The following PIP4K2A variants were observed in gnomAD, a reference collection of about 807,000 sequenced individuals.
PIP4K2A encodes phosphatidylinositol-5-phosphate 4-kinase type 2 alpha.
In PIP4K2A, 14 loss-of-function variants were observed where a neutral mutation model predicts 42.9. That is an observed-to-expected ratio of 0.33 (90% CI 0.22 to 0.51). PIP4K2A has a LOEUF of 0.51. Among genes scored for constraint, PIP4K2A ranks in the 20% least tolerant of loss-of-function variants. The pLI, the probability that PIP4K2A is intolerant of heterozygous loss-of-function variation, is 0.97. For synonymous variants in PIP4K2A, 192 were observed against 192.2 expected, an observed-to-expected ratio of 1.00 and a Z score of 0.01; for missense variants, 434 against 519.8, an observed-to-expected ratio of 0.83 and a Z score of 1.61.
At chr10:22,618,850 T>A (rs1838247586) in intron 1 of PIP4K2A, among the ~76,000 whole-genome samples, 1 of 152,214 alleles carries the variant, frequency 6.6e-6, no homozygotes. Flanking sequence ...TGTGTCCAAT[T>A]TGTTTGTAAA....
chr10:22,558,271 C>A (rs899165412), intron 6 of PIP4K2A, among the ~76,000 whole-genome samples: 1 of 152,160 alleles, frequency 6.6e-6, no homozygotes, highest in African/African-American at 2.4e-5. Context: ...GAATAAAACC[C>A]CTTTTGCCGT....
At chr10:22,581,282 G>A (rs925211909) in intron 4 of PIP4K2A, among the ~76,000 whole-genome samples, 4 of 149,388 alleles carry the variant, frequency 2.7e-5, no homozygotes, top group African/African-American at 7.4e-5. Flanking sequence ...CACCTGGAGC[G>A]GAGGCTTGAC....
intron 5 of PIP4K2A, among the ~76,000 whole-genome samples, chr10:22,572,980 CTT>C (rs1377887113): frequency 6.6e-6 from 1 of 152,214 alleles, no homozygotes; most frequent in Non-Finnish European, 1.5e-5. Context: ...TAACTTATCA[CTT>C]TTACTTACTG....
intron 7 of PIP4K2A, among the ~76,000 whole-genome samples, chr10:22,547,674 G>A (rs1836291233): frequency 6.6e-6 from 1 of 152,192 alleles, no homozygotes; most frequent in Admixed American, 6.5e-5. Flanking sequence ...GCCACAGAGG[G>A]AGAACAGTTT....
At chr10:22,556,154 C>T (rs1323447136) in intron 6 of PIP4K2A, among the ~76,000 whole-genome samples, 1 of 152,198 alleles carries the variant, frequency 6.6e-6, no homozygotes, top group Non-Finnish European at 1.5e-5. Flanking sequence ...ACCTACCATA[C>T]ATGAGGGCAA....
chr10:22,649,499 G>A (rs1838949299), intron 1 of PIP4K2A, among the ~76,000 whole-genome samples: 1 of 152,170 alleles, frequency 6.6e-6, no homozygotes, highest in African/African-American at 2.4e-5. Context: ...GTTGCACCCG[G>A]CACAGTGCAA....
At chr10:22,584,829 T>A (rs1837356765) in intron 4 of PIP4K2A, among the ~76,000 whole-genome samples, 1 of 152,144 alleles carries the variant, frequency 6.6e-6, no homozygotes, top group Non-Finnish European at 1.5e-5. Flanking sequence ...ACTGAGAATA[T>A]CCAAGTACTT....
chr10:22,595,584 C>T (rs536276856), intron 3 of PIP4K2A, among the ~76,000 whole-genome samples: 2 of 152,200 alleles, frequency 1.3e-5, no homozygotes, highest in South Asian at 4.1e-4. Context: ...TGGTGAAACC[C>T]GGTCTCCACT....
chr10:22,627,612 A>T (rs1838472299), intron 1 of PIP4K2A, among the ~76,000 whole-genome samples: 2 of 141,660 alleles, frequency 1.4e-5, no homozygotes, highest in East Asian at 2.1e-4. Flanking sequence ...AAAAAAAAAA[A>T]AAAAAAAAAA....
intron 1 of PIP4K2A, among the ~76,000 whole-genome samples, chr10:22,665,019 G>A (rs541722277): frequency 2.2e-4 from 33 of 152,030 alleles, no homozygotes; most frequent in African/African-American, 7.5e-4. Flanking sequence ...TATTGTAATA[G>A]CAATACCCAA....
At chr10:22,672,290 G>A (rs1839470228) in intron 1 of PIP4K2A, among the ~76,000 whole-genome samples, 1 of 149,948 alleles carries the variant, frequency 6.7e-6, no homozygotes, top group African/African-American at 2.5e-5. Flanking sequence ...ACAGTGTGGG[G>A]GGGGATTGTT....
At chr10:22,547,694 T>G (rs1204867086) in intron 7 of PIP4K2A, among the ~76,000 whole-genome samples, 1 of 152,340 alleles carries the variant, frequency 6.6e-6, no homozygotes, top group African/African-American at 2.4e-5. Context: ...TTGCATCATG[T>G]GAGTCAATGA....
rs1836061027 is a variant in PIP4K2A, at chr10:22,539,939, AAGAG to A, written c.1140+28_1140+31del. 1.6e-5 allele frequency: 16 copies of A among 993,972 alleles called. No homozygotes were observed. In the East Asian group the frequency reaches 2.4e-4, roughly 15 times the overall value. 61.6% of individuals were successfully genotyped at this position (993,972 alleles called of 1,614,324 possible). A position where few individuals can be genotyped will look rare whatever the true frequency, so the allele number is the denominator to read the frequency against. On this transcript the variant is annotated intron_variant, in intron 9 of 9. Coordinates refer to ENST00000376573, the MANE Select transcript of PIP4K2A (RefSeq NM_005028.5). ...AGAGAGAGAGAGAGAGAGGGAGAGA[AAGAG>A]AGAAGGAAACAAAATGGAGATACTC...
intron 7 of PIP4K2A, among the ~76,000 whole-genome samples, chr10:22,550,205 AC>A (rs1307597632): frequency 6.6e-6 from 1 of 152,182 alleles, no homozygotes; most frequent in African/African-American, 2.4e-5. Context: ...GCATTAAGTG[AC>A]CCAGGCTATG....
At chr10:22,679,939 G>A (rs1216556554) in intron 1 of PIP4K2A, among the ~76,000 whole-genome samples, 3 of 152,008 alleles carry the variant, frequency 2.0e-5, no homozygotes, top group African/African-American at 4.8e-5. Flanking sequence ...ATTAGATTGA[G>A]AATGGTTATA....
rs1402527687 is a variant in PIP4K2A, at chr10:22,714,315, G to C, written c.12C>G (p.Pro4=). Residue 4 remains proline, a synonymous_variant, in exon 1 of 10, where the codon CCC becomes CCG. Transcript: ENST00000376573. ...CCAGGACAGAGGACCCTAGGTTGCC[G>C]GGGGTCGCCATGGCCGCCTCCTATG... MAT[P]GNLGSSVLAS... 1 of 1,603,752 alleles carries C rather than the reference G, an allele frequency of 6.2e-7. No individual in the cohort carries two copies. Among genetic ancestry groups the C allele is most frequent in the Admixed American group, 1.7e-5 (1 of 59,326 alleles).
intron 1 of PIP4K2A, among the ~76,000 whole-genome samples, chr10:22,622,564 T>C (rs535721780): frequency 6.6e-6 from 1 of 152,342 alleles, no homozygotes; most frequent in East Asian, 1.9e-4. Context: ...GGATTCCCAT[T>C]CTGGCGGAAA....
chr10:22,620,475 C>T (rs912719914), intron 1 of PIP4K2A, among the ~76,000 whole-genome samples: 1 of 152,228 alleles, frequency 6.6e-6, no homozygotes, highest in African/African-American at 2.4e-5. Context: ...GAGCAAAGTG[C>T]CCCAGCACTC....
At chr10:22,698,253 C>A (rs1840009105) in intron 1 of PIP4K2A, among the ~76,000 whole-genome samples, 1 of 152,066 alleles carries the variant, frequency 6.6e-6, no homozygotes, top group Non-Finnish European at 1.5e-5. Flanking sequence ...GGGTTAAAAG[C>A]ATATGGGAAA....
Sources: gnomAD v4.1 joint callset for allele counts (sites outside exome capture counted in the v4.1 genomes callset) on GRCh38, gnomAD v4.1.1 for gene constraint, MANE v1.5 for transcripts, NCBI Gene and HGNC (gene_info 2026-07-23, HGNC 2026-07-21) for gene names.